Variants in KCNMB2 observed in about 807,000 individuals in gnomAD.
KCNMB2 encodes the protein calcium-activated potassium channel subunit beta-2.
In KCNMB2, 9 loss-of-function variants were observed where a neutral mutation model predicts 24.5. That is an observed-to-expected ratio of 0.37 (90% CI 0.22 to 0.64). The LOEUF (loss-of-function observed/expected upper bound fraction) is 0.64, where lower values mean the gene tolerates loss of function less well. Among genes scored for constraint, KCNMB2 ranks in the 30% least tolerant of loss-of-function variants. The pLI is 0.63. For synonymous variants in KCNMB2, 109 were observed against 104.4 expected (o/e 1.04, Z -0.27); for missense variants, 226 against 284.3 (o/e 0.79, Z 1.47).
At chr3:178,665,521 T>A (rs887153190) in intron 1 of KCNMB2, among the ~76,000 whole-genome samples, 4 of 152,158 alleles carry the variant, frequency 2.6e-5, no homozygotes, top group African/African-American at 9.7e-5. Flanking sequence ...CACATATATT[T>A]ATAACTGCTT....
At chr3:178,818,918 C>CCTGGAGTACA (rs752434032) in intron 2 of KCNMB2, among the ~76,000 whole-genome samples, 1 of 151,920 alleles carries the variant, frequency 6.6e-6, no homozygotes, top group Admixed American at 6.5e-5. Flanking sequence ...CTCTTATATT[C>CCTGGAGTACA]TGCCTGGATA....
intron 1 of KCNMB2, among the ~76,000 whole-genome samples, chr3:178,765,400 A>G (rs1244100570): frequency 6.6e-6 from 1 of 152,166 alleles, no homozygotes; most frequent in Non-Finnish European, 1.5e-5. Context: ...TATAAAATAA[A>G]ACCACCTCTC....
chr3:178,820,990 A>T (rs1714604884), intron 2 of KCNMB2, among the ~76,000 whole-genome samples: 1 of 151,418 alleles, frequency 6.6e-6, no homozygotes, highest in African/African-American at 2.4e-5. Flanking sequence ...CCAAGGCTAG[A>T]TCAGCTTCAA....
chr3:178,763,075 AG>A (rs1312058038), intron 1 of KCNMB2, among the ~76,000 whole-genome samples: 4 of 152,174 alleles, frequency 2.6e-5, no homozygotes, highest in Non-Finnish European at 5.9e-5. Flanking sequence ...TCATCTAGGA[AG>A]GAAGGATGTA....
chr3:178,549,570 G>C (rs1297939019), intron 1 of KCNMB2, among the ~76,000 whole-genome samples: 1 of 145,136 alleles, frequency 6.9e-6, no homozygotes, highest in Non-Finnish European at 1.5e-5. Context: ...CAGGTGATCC[G>C]CCTGCCTCAG....
intron 1 of KCNMB2, among the ~76,000 whole-genome samples, chr3:178,715,659 T>C (rs1019798475): frequency 4.6e-5 from 7 of 152,240 alleles, no homozygotes; most frequent in African/African-American, 1.7e-4. Flanking sequence ...ATGGGTTTTA[T>C]TGTTATATCC....
chr3:178,633,119 C>T (rs934914288), intron 1 of KCNMB2, among the ~76,000 whole-genome samples: 3 of 152,168 alleles, frequency 2.0e-5, no homozygotes, highest in Admixed American at 6.5e-5. Context: ...AGGGTACAGC[C>T]CCCCCGCCAG....
chr3:178,607,179 T>C (rs1298796997), intron 1 of KCNMB2, among the ~76,000 whole-genome samples: 2 of 152,094 alleles, frequency 1.3e-5, no homozygotes, highest in Non-Finnish European at 2.9e-5. Context: ...CACAAAGAAC[T>C]GAATATAGAA....
chr3:178,843,631 T>G lies in KCNMB2; in HGVS notation c.*694T>G, dbSNP rs886097137. On this transcript the variant is annotated 3_prime_UTR_variant, in exon 5 of 5. Transcript: ENST00000452583. ...CCTTTTCCATTTAAGACCCTGCTAC[T>G]GTGTGAAGAGATGATACTTACAAGG... 2 of 159,838 alleles carry G rather than the reference T, an allele frequency of 1.3e-5. No homozygotes were observed. Among genetic ancestry groups the G allele is most frequent in the Non-Finnish European group, 2.7e-5 (2 of 72,954 alleles). The allele number at this position is 159,838 out of a possible 1,614,324, so 9.9% of individuals were successfully genotyped here. A position where few individuals can be genotyped will look rare whatever the true frequency, so the allele number is the denominator to read the frequency against.
intron 1 of KCNMB2, among the ~76,000 whole-genome samples, chr3:178,694,667 C>A (rs996710914): frequency 1.3e-5 from 2 of 152,228 alleles, no homozygotes; most frequent in African/African-American, 4.8e-5. Context: ...TAATTTTTAA[C>A]CTTAAAGTTC....
chr3:178,618,918 G>GT (rs1718810664), intron 1 of KCNMB2, among the ~76,000 whole-genome samples: 1 of 152,082 alleles, frequency 6.6e-6, no homozygotes, highest in Non-Finnish European at 1.5e-5. Flanking sequence ...TTTTTTCACT[G>GT]TAAGATAAAA....
intron 1 of KCNMB2, among the ~76,000 whole-genome samples, chr3:178,597,764 G>A (rs2199567): frequency 0.2 from 30,410 of 151,920 alleles, 3,620 homozygotes; most frequent in African/African-American, 0.32. Context: ...CCAAACTACC[G>A]TGGGTTGTGT....
At chr3:178,749,827 A>T (rs185801589) in intron 1 of KCNMB2, among the ~76,000 whole-genome samples, 275 of 152,316 alleles carry the variant, frequency 1.8e-3, no homozygotes, top group Admixed American at 3.7e-3. Context: ...TGGAAAATAG[A>T]TGTATGAATA....
At chr3:178,779,807 A>T (rs1712748106) in intron 1 of KCNMB2, among the ~76,000 whole-genome samples, 1 of 152,166 alleles carries the variant, frequency 6.6e-6, no homozygotes, top group Non-Finnish European at 1.5e-5. Context: ...TCAAGGTCTC[A>T]GTACATTAAC....
At chr3:178,611,782 T>G (rs1328544721) in intron 1 of KCNMB2, among the ~76,000 whole-genome samples, 1 of 152,158 alleles carries the variant, frequency 6.6e-6, no homozygotes, top group African/African-American at 2.4e-5. Context: ...TTTATTTATT[T>G]TTATACTAAT....
At chr3:178,594,613 A>G (rs1053648197) in intron 1 of KCNMB2, among the ~76,000 whole-genome samples, 1 of 152,082 alleles carries the variant, frequency 6.6e-6, no homozygotes, top group Non-Finnish European at 1.5e-5. Context: ...GAAATGTTGA[A>G]TTGAGATGCT....
intron 1 of KCNMB2, among the ~76,000 whole-genome samples, chr3:178,598,197 A>T (rs1717946575): frequency 6.6e-6 from 1 of 152,056 alleles, no homozygotes; most frequent in Admixed American, 6.5e-5. Context: ...TAAACTGGGG[A>T]GTAGTTCCGT....
At chr3:178,540,251 C>A (rs770536419) in intron 1 of KCNMB2, among the ~76,000 whole-genome samples, 1 of 152,160 alleles carries the variant, frequency 6.6e-6, no homozygotes, top group Non-Finnish European at 1.5e-5. Flanking sequence ...TCAAACTGTG[C>A]CTAGCTTTAA....
At chr3:178,624,594 C>CTTTTTTTTTTTTT (rs770228080) in intron 1 of KCNMB2, among the ~76,000 whole-genome samples, 8 of 44,174 alleles carry the variant, frequency 1.8e-4, no homozygotes, top group African/African-American at 1.1e-3. Flanking sequence ...TTCTTTTTTT[C>CTTTTTTTTTTTTT]TTTCTTTTTT....
Sources: allele counts gnomAD v4.1 joint callset (sites outside exome capture counted in the v4.1 genomes callset), GRCh38; gene constraint gnomAD v4.1.1; transcripts MANE v1.5; gene names NCBI Gene and HGNC (gene_info 2026-07-23, HGNC 2026-07-21).